Variants in GRK4 observed in about 807,000 individuals in gnomAD.
GRK4 encodes G protein-coupled receptor kinase 4.
A neutral mutation model predicts 77.9 loss-of-function variants in GRK4; 73 were observed. That is an observed-to-expected ratio of 0.94 (90% CI 0.78 to 1.14). GRK4 has a LOEUF of 1.14. Among genes scored for constraint, GRK4 ranks in the 50% most tolerant of loss-of-function variants. The probability of loss-of-function intolerance (pLI) is 0.00; values close to 1 mark genes in which losing one functional copy is unlikely to be tolerated. For synonymous variants in GRK4, 257 were observed against 254.4 expected, an observed-to-expected ratio of 1.01 and a Z score of -0.10; for missense variants, 729 against 700.2, an observed-to-expected ratio of 1.04 and a Z score of -0.46.
At chr4:2,988,925 C>G (rs546324679) in intron 3 of GRK4, 86 bp downstream of exon 3, 1 of 812,464 alleles carries the variant, frequency 1.2e-6, no homozygotes, top group Admixed American at 1.9e-5. Context: ...GTAGCTCATG[C>G]TGTAATCCCA....
intron 3 of GRK4, among the ~76,000 whole-genome samples, chr4:2,990,246 CTTTTTTTT>C (rs71644371): frequency 1.3e-3 from 89 of 70,758 alleles, no homozygotes; most frequent in Admixed American, 5.9e-3. Flanking sequence ...TCTTCTTCTT[CTTTTTTTT>C]TTTTTTTTTT....
chr4:3,025,185 C>T (rs967666451), intron 10 of GRK4, among the ~76,000 whole-genome samples: 4 of 148,972 alleles, frequency 2.7e-5, no homozygotes, highest in Non-Finnish European at 5.9e-5. Context: ...GCAGAAGAAT[C>T]GCTTGAACCT....
At chr4:2,990,246 C>CTTGTTTTTTTTTTTTT (rs1725712092) in intron 3 of GRK4, among the ~76,000 whole-genome samples, 1 of 70,716 alleles carries the variant, frequency 1.4e-5, no homozygotes, top group African/African-American at 6.3e-5. Context: ...TCTTCTTCTT[C>CTTGTTTTTTTTTTTTT]TTTTTTTTTT....
At chr4:2,965,744 A>G in intron 1 of GRK4, 1 of 392,938 alleles carries the variant, frequency 2.5e-6, no homozygotes, top group East Asian at 5.6e-5. Flanking sequence ...TATTTTGAAT[A>G]GAAGAACTGA....
Position 3,015,637 on chromosome 4 carries a change from T to G in GRK4, c.741+1809T>G, listed in dbSNP as rs1005887926. 1.1e-4 allele frequency among the ~76,000 whole-genome samples: 16 copies of G among 146,502 alleles called. 1 individual carries two copies. The highest frequency in any genetic ancestry group is 3.8e-4 in the African/African-American group (15 of 39,198). ...TTGCAGTGAGCCAAGATCACGCCAC[T>G]GCACTCCAGCCTGGGCAACAGAGCA... On this transcript the variant is annotated intron_variant, in intron 8 of 15. Transcript: ENST00000398052.
chr4:2,995,499 T>C (rs1302933820), intron 4 of GRK4, among the ~76,000 whole-genome samples: 1 of 123,200 alleles, frequency 8.1e-6, no homozygotes, highest in Admixed American at 8.6e-5. Context: ...TGAAACCTCA[T>C]CTCTACTAAA....
intron 13 of GRK4, among the ~76,000 whole-genome samples, chr4:3,036,938 T>C (rs1219866698): frequency 6.6e-6 from 1 of 152,224 alleles, no homozygotes; most frequent in Non-Finnish European, 1.5e-5. Context: ...TCTCCGGTTC[T>C]GTGCTGCATC....
intron 1 of GRK4, among the ~76,000 whole-genome samples, chr4:2,968,484 AAAGT>A (rs1396483955): frequency 6.6e-6 from 1 of 152,202 alleles, no homozygotes; most frequent in African/African-American, 2.4e-5. Flanking sequence ...TCAAAGAATC[AAAGT>A]AAGAACCTAA....
chr4:3,001,089 A>ATATATATATATATGTGTGTGTG, intron 4 of GRK4, among the ~76,000 whole-genome samples: 3,055 of 82,382 alleles, frequency 0.037, 428 homozygotes, highest in Non-Finnish European at 0.056. Flanking sequence ...ATATATATAT[A>ATATATATATATATGTGTGTGTG]TGTGTGTGTG....
intron 3 of GRK4, among the ~76,000 whole-genome samples, chr4:2,990,628 GGT>G (rs1483690088): frequency 6.6e-6 from 1 of 152,052 alleles, no homozygotes; most frequent in African/African-American, 2.4e-5. Flanking sequence ...TGGAACCCTG[GGT>G]GTAAGTTCTC....
intron 12 of GRK4, among the ~76,000 whole-genome samples, chr4:3,034,051 G>A (rs1014400664): frequency 2.0e-5 from 3 of 152,208 alleles, no homozygotes; most frequent in African/African-American, 7.2e-5. Context: ...CAATAATGGC[G>A]CGTCCAAATG....
chr4:3,016,054 GCC>G (rs1734395227), intron 8 of GRK4, among the ~76,000 whole-genome samples: 3 of 151,008 alleles, frequency 2.0e-5, no homozygotes, highest in South Asian at 2.1e-4. Flanking sequence ...TTTTACAGGT[GCC>G]CACCACCACA....
intron 8 of GRK4, 99 bp downstream of exon 8, chr4:3,013,927 G>A: frequency 7.7e-7 from 1 of 1,300,756 alleles, no homozygotes; most frequent in Non-Finnish European, 1.0e-6. Flanking sequence ...AGCCGTGGAA[G>A]TCATTTCTTG....
At chr4:2,978,780 A>G (rs1721942665) in intron 1 of GRK4, among the ~76,000 whole-genome samples, 1 of 152,078 alleles carries the variant, frequency 6.6e-6, no homozygotes, top group African/African-American at 2.4e-5. Context: ...TCTCTTCTCT[A>G]CAAAAGCTTT....
Position 3,009,649 on chromosome 4 carries a change from C to A in GRK4, c.538C>A (p.Gln180Lys), listed in dbSNP as rs1451309352. ...QFLQWKWLER[Q>K]PVTKNTFRHY... ...AAACTTGTTTTTCTCATTGATTAGGCAACCCGTAACAAAGAACACATTTAG... is the reference window on the plus strand; with the variant it reads ...AAACTTGTTTTTCTCATTGATTAGGAAACCCGTAACAAAGAACACATTTAG... Residue 180 changes from glutamine to lysine, a missense_variant and splice_region_variant, in exon 7 of 16, where the codon CAA (glutamine) becomes AAA (lysine). Coordinates refer to ENST00000398052, the MANE Select transcript of GRK4 (RefSeq NM_182982.3). 6.2e-7 allele frequency: 1 copy of A among 1,612,820 alleles called. No homozygotes were observed. Among genetic ancestry groups the A allele is most frequent in the Non-Finnish European group, 8.5e-7 (1 of 1,179,088 alleles).
Position 3,029,338 on chromosome 4 carries a change from C to A in GRK4, c.1198C>A (p.Gln400Lys). ...GAAAGTCAAATGGGAGGAGGTCGAT[C>A]AAAGAATCAAGAATGATACCGAGGA... The part of the protein sequence containing the change: ...KEKVKWEEVD[Q>K]RIKNDTEEYS... The change falls in exon 12 of 16, where the codon CAA becomes AAA. Residue 400 changes from glutamine to lysine, a missense_variant. Physicochemically the swap from Gln to Lys is moderately conservative, Grantham distance 53. Coordinates refer to ENST00000398052, the MANE Select transcript of GRK4 (RefSeq NM_182982.3). 6.2e-7 allele frequency: 1 copy of A among 1,614,038 alleles called. No homozygotes were observed. The highest frequency in any genetic ancestry group is 1.1e-5 in the South Asian group (1 of 91,072).
At chr4:2,975,735 C>T (rs1271671015) in intron 1 of GRK4, among the ~76,000 whole-genome samples, 5 of 152,170 alleles carry the variant, frequency 3.3e-5, no homozygotes, top group Admixed American at 1.3e-4. Flanking sequence ...TTTCAAGGCT[C>T]AAGCAGTTCA....
chr4:2,988,961 G>A (rs1300329878), intron 3 of GRK4, 122 bp downstream of exon 3: 1 of 637,722 alleles, frequency 1.6e-6, no homozygotes, highest in Non-Finnish European at 2.9e-6. Flanking sequence ...GAGGCGGGCG[G>A]ATCATGAGGT....
chr4:3,035,333 A>G lies in GRK4; in HGVS notation c.1270-53A>G, dbSNP rs1375916077. 4 of 1,595,214 alleles carry G rather than the reference A, an allele frequency of 2.5e-6. No homozygotes were observed. In the Admixed American group the frequency reaches 6.7e-5, roughly 27 times the overall value. On this transcript the variant is annotated intron_variant, in intron 12 of 15. Transcript: ENST00000398052. ...GTTATTATTATGCAGGGGAGTTTTG[A>G]GTTTTCATTTTTATCCAGAGGCTCA...
Sources: allele counts gnomAD v4.1 joint callset (sites outside exome capture counted in the v4.1 genomes callset), GRCh38; gene constraint gnomAD v4.1.1; transcripts MANE v1.5; gene names NCBI Gene and HGNC (gene_info 2026-07-23, HGNC 2026-07-21).